The following ATL3 variants were observed in gnomAD, a reference collection of about 807,000 sequenced individuals.
ATL3 encodes atlastin GTPase 3, also known as atlastin-3.
In ATL3, 49 loss-of-function variants were observed where a neutral mutation model predicts 69.5. The observed-to-expected ratio is 0.71, with a 90% CI of 0.56 to 0.89. The LOEUF is 0.89. Ranked by LOEUF, ATL3 falls within the 40% of genes least tolerant of loss-of-function variation. The probability of loss-of-function intolerance (pLI) is 0.00; values close to 1 mark genes in which losing one functional copy is unlikely to be tolerated. For synonymous variants in ATL3, 214 were observed against 224.1 expected, an observed-to-expected ratio of 0.95 and a Z score of 0.40; for missense variants, 606 against 645.7, an observed-to-expected ratio of 0.94 and a Z score of 0.67.
rs1939069344 is a variant in ATL3, at chr11:63,625,307, C to A, written c.*4012G>T. The A allele has an allele frequency of 6.6e-6, 1 of 152,042 alleles. No homozygotes were observed. The highest frequency in any genetic ancestry group is 2.1e-4 in the South Asian group (1 of 4,820). 9.4% of individuals were successfully genotyped at this position (152,042 alleles called of 1,614,324 possible). ...CAGAATGACACAGCCATGTTGACAACTTGAGATGGAAGATCAAATCATCCT... is the reference window on the plus strand; with the variant it reads ...CAGAATGACACAGCCATGTTGACAAATTGAGATGGAAGATCAAATCATCCT... On this transcript the variant is annotated 3_prime_UTR_variant, in exon 13 of 13. Coordinates refer to ENST00000398868, the MANE Select transcript of ATL3 (RefSeq NM_015459.5).
chr11:63,630,830 C>A (rs563851722), intron 12 of ATL3, among the ~76,000 whole-genome samples: 1 of 150,108 alleles, frequency 6.7e-6, no homozygotes, highest in South Asian at 2.1e-4. Context: ...GGGGCGGGGG[C>A]CTTTTTAGAC....
intron 3 of ATL3, among the ~76,000 whole-genome samples, chr11:63,654,093 T>C (rs545448583): frequency 3.3e-5 from 5 of 151,996 alleles, no homozygotes; most frequent in African/African-American, 1.2e-4. Context: ...ATGTGGGAAC[T>C]GGGCAGGTTG....
intron 1 of ATL3, among the ~76,000 whole-genome samples, chr11:63,666,588 CATG>C (rs1940579073): frequency 6.8e-6 from 1 of 147,556 alleles, no homozygotes; most frequent in South Asian, 2.5e-4. Flanking sequence ...GTGGCTCATG[CATG>C]TAATCCCAGC....
rs144884752 is a variant in ATL3 at position 63,671,074 on chromosome 11, AAAGT to A, written c.46+212_46+215del. The stretch of plus-strand genomic sequence containing the variant: ...CCTGACGGCGGCCGCCCCCGGCCGA[AAAGT>A]AAGGAAGGTGCCGCCCTCGCTGGAC... On this transcript the variant is annotated intron_variant, in intron 1 of 12. Transcript: ENST00000398868. Among the ~76,000 whole-genome samples, 1,201 of 152,248 alleles carry A rather than the reference AAAGT, an allele frequency of 7.9e-3. 12 individuals are homozygous for A. The highest frequency in any genetic ancestry group is 0.027 in the African/African-American group (1,121 of 41,556).
chr11:63,647,457 T>C (rs1372186559), intron 5 of ATL3, among the ~76,000 whole-genome samples: 5 of 152,194 alleles, frequency 3.3e-5, no homozygotes, highest in Non-Finnish European at 5.9e-5. Flanking sequence ...CCTTCCAAAG[T>C]GCTGGGATTA....
At chr11:63,650,579 C>T (rs1486473368) in intron 5 of ATL3, 1 of 152,146 alleles carries the variant, frequency 6.6e-6, no homozygotes, top group African/African-American at 2.4e-5. Context: ...CTACCAACAG[C>T]CTTGTCATGT....
intron 12 of ATL3, among the ~76,000 whole-genome samples, chr11:63,630,629 C>CT (rs998441611): frequency 2.6e-5 from 4 of 151,488 alleles, no homozygotes; most frequent in African/African-American, 7.3e-5. Flanking sequence ...AACCCTGTCT[C>CT]TATTAAAAAT....
At chr11:63,671,243 G>A (rs1266233373) in intron 1 of ATL3, 47 bp downstream of exon 1, 2 of 1,543,196 alleles carry the variant, frequency 1.3e-6, no homozygotes, top group South Asian at 1.2e-5. Flanking sequence ...AGCAGGGAAG[G>A]CGGCGGGGGT....
At chr11:63,671,611 G>A (rs1940788446), upstream of ATL3, 1 of 1,426,842 alleles carries the variant, frequency 7.0e-7, no homozygotes, top group Non-Finnish European at 9.2e-7. Flanking sequence ...CCTGCCGCGT[G>A]TGCGCGAAGC....
At chr11:63,663,348 T>G (rs1940478507) in intron 1 of ATL3, among the ~76,000 whole-genome samples, 2 of 152,122 alleles carry the variant, frequency 1.3e-5, no homozygotes, top group South Asian at 4.1e-4. Context: ...CTCAAACTCC[T>G]GGGCTCTAGT....
rs1202207898 is a variant in ATL3, at chr11:63,624,621, A to G, written c.*4698T>C. The G allele has an allele frequency of 6.6e-6, 1 of 152,184 alleles. No homozygotes were observed. The highest frequency in any genetic ancestry group is 1.5e-5 in the Non-Finnish European group (1 of 68,034). The allele number at this position is 152,184 out of a possible 1,614,324, so 9.4% of individuals were successfully genotyped here. A position where few individuals can be genotyped will look rare whatever the true frequency, so the allele number is the denominator to read the frequency against. ...TTGGGGGTTCAAGTCACAGTGCTGA[A>G]TTTTACTTTTTAAAAGAAAAACTAT... On this transcript the variant is annotated 3_prime_UTR_variant, in exon 13 of 13. Transcript: ENST00000398868.
In ATL3 at chr11:63,633,094, T is replaced by G; in HGVS notation, c.1039A>C (p.Thr347Pro). 1 of 1,613,972 alleles carries G rather than the reference T, an allele frequency of 6.2e-7. No homozygotes were observed. ...GCTGCTAAGTTGTTGGCTTCAGCAGTGGCCTTTTAAGAGAGAAAAACGTGA... is the reference window on the plus strand; with the variant it reads ...GCTGCTAAGTTGTTGGCTTCAGCAGGGGCCTTTTAAGAGAGAAAAACGTGA... Reference protein sequence around the residue: ...LPHPKSMLQATAEANNLAAAA... With the variant: ...LPHPKSMLQAPAEANNLAAAA... The change falls in exon 11 of 13, where the codon ACT becomes CCT. Residue 347 changes from threonine to proline, a missense_variant. Thr to Pro is a conservative substitution (Grantham distance 38). Coordinates refer to ENST00000398868, the MANE Select transcript of ATL3 (RefSeq NM_015459.5).
chr11:63,648,962 A>C (rs1656962892), intron 5 of ATL3, among the ~76,000 whole-genome samples: 1 of 152,134 alleles, frequency 6.6e-6, no homozygotes, highest in African/African-American at 2.4e-5. Context: ...TACTAAAAGT[A>C]CAAAAAAAAT....
At chr11:63,642,777 G>C (rs997034728) in intron 8 of ATL3, among the ~76,000 whole-genome samples, 1 of 152,170 alleles carries the variant, frequency 6.6e-6, no homozygotes, top group African/African-American at 2.4e-5. Context: ...TGAGAGACTC[G>C]GATAAGCTTA....
chr11:63,647,098 A>C (rs766864833), intron 5 of ATL3, among the ~76,000 whole-genome samples: 1 of 152,162 alleles, frequency 6.6e-6, no homozygotes, highest in Non-Finnish European at 1.5e-5. Flanking sequence ...TCACTTCTTA[A>C]GGTCTTTCAA....
rs1939215464 is a variant in ATL3 at position 63,629,056 on chromosome 11, G to A, written c.*263C>T. ...CCTCTAGCTTCCTCCTCCATAAAGT[G>A]CACAAAGCAGAGTAATATGAAAATA... is the stretch of plus-strand genomic sequence containing the variant. On this transcript the variant is annotated 3_prime_UTR_variant, in exon 13 of 13. Coordinates refer to ENST00000398868, the MANE Select transcript of ATL3 (RefSeq NM_015459.5). 7.0e-6 allele frequency: 3 copies of A among 426,008 alleles called. No homozygotes were observed. Among genetic ancestry groups the A allele is most frequent in the Non-Finnish European group, 1.3e-5 (3 of 237,144 alleles). The allele number at this position is 426,008 out of a possible 1,614,324, so 26.4% of individuals were successfully genotyped here.
upstream of ATL3, chr11:63,671,822 A>G: frequency 2.0e-6 from 2 of 1,006,096 alleles, no homozygotes; most frequent in Non-Finnish European, 2.5e-6. Flanking sequence ...TCCTCCTGCG[A>G]GCTGCGGCCG....
In ATL3 at chr11:63,643,626, C is replaced by G. The variant is rs2134488900; in HGVS notation, c.712-131G>C. The G allele has an allele frequency of 2.6e-5, 20 of 770,850 alleles. No homozygotes were observed. In the South Asian group the frequency reaches 4.4e-4, roughly 17 times the overall value. The allele number at this position is 770,850 out of a possible 1,614,324, so 47.8% of individuals were successfully genotyped here. The stretch of plus-strand genomic sequence containing the variant: ...ATCATAGTGGCCAAATGAGAAAACT[C>G]AGAACCCTAAGAAGCAATAAACACA... On this transcript the variant is annotated intron_variant, in intron 7 of 12. Transcript: ENST00000398868.
intron 8 of ATL3, among the ~76,000 whole-genome samples, chr11:63,639,899 G>A (rs1326374359): frequency 2.0e-5 from 3 of 151,460 alleles, no homozygotes; most frequent in South Asian, 4.2e-4. Flanking sequence ...ACATCTTTCT[G>A]TATAAAGACA....
Sources: allele counts gnomAD v4.1 joint callset (sites outside exome capture counted in the v4.1 genomes callset), GRCh38; gene constraint gnomAD v4.1.1; transcripts MANE v1.5; gene names NCBI Gene and HGNC (gene_info 2026-07-23, HGNC 2026-07-21).